Variants in MARK3 observed in about 807,000 individuals in gnomAD.
The protein encoded by MARK3 is MAP/microtubule affinity-regulating kinase 3.
MARK3 carries 46 observed loss-of-function variants against 90.1 expected under a neutral mutation model. The observed-to-expected ratio is 0.51, with a 90% CI of 0.40 to 0.65. The LOEUF is 0.65. Ranked by LOEUF, MARK3 falls within the 30% of genes least tolerant of loss-of-function variation. The probability of loss-of-function intolerance (pLI) is 0.00; values close to 1 mark genes in which losing one functional copy is unlikely to be tolerated. For synonymous variants in MARK3, 321 were observed against 332.6 expected, an observed-to-expected ratio of 0.97 and a Z score of 0.38; for missense variants, 818 against 947.2, an observed-to-expected ratio of 0.86 and a Z score of 1.79.
In MARK3 at chr14:103,454,277, G is replaced by A. The variant is rs566092151; in HGVS notation, c.412+2294G>A. 3.3e-3 allele frequency among the ~76,000 whole-genome samples: 500 copies of A among 151,688 alleles called. 2 individuals are homozygous for A. Among genetic ancestry groups the A allele is most frequent in the Non-Finnish European group, 5.3e-3 (362 of 67,878 alleles). On this transcript the variant is annotated intron_variant, in intron 5 of 17. Transcript: ENST00000429436. ...TTTTTTTTTTTTCTTTTTGGAGACA[G>A]GGTCTCACTCTGTTGCCCAGGCTCA... is the stretch of plus-strand genomic sequence containing the variant.
chr14:103,453,559 T>C (rs1173528013), intron 5 of MARK3, among the ~76,000 whole-genome samples: 1 of 152,234 alleles, frequency 6.6e-6, no homozygotes, highest in African/African-American at 2.4e-5. Context: ...TTTTTTATAC[T>C]CCTAATTCAT....
intron 6 of MARK3, among the ~76,000 whole-genome samples, chr14:103,459,503 T>C (rs981935523): frequency 6.6e-6 from 1 of 152,040 alleles, no homozygotes; most frequent in Admixed American, 6.6e-5. Context: ...GTGGTTTCTT[T>C]GTTTTTTCGT....
chr14:103,401,609 A>G (rs1305584415), intron 1 of MARK3, among the ~76,000 whole-genome samples: 2 of 152,164 alleles, frequency 1.3e-5, no homozygotes, highest in African/African-American at 4.8e-5. Context: ...ACAGGCAACT[A>G]AATGCTTCAG....
chr14:103,459,960 G>A (rs1034864090), intron 6 of MARK3, among the ~76,000 whole-genome samples: 1 of 150,522 alleles, frequency 6.6e-6, no homozygotes, highest in African/African-American at 2.4e-5. Flanking sequence ...CACCAGATGG[G>A]TTTTCCCCTT....
At chr14:103,479,695 C>T (rs1374109561) in intron 13 of MARK3, among the ~76,000 whole-genome samples, 1 of 122,968 alleles carries the variant, frequency 8.1e-6, no homozygotes, top group Non-Finnish European at 1.6e-5. Context: ...TGCAATGGTG[C>T]GATCTCAGCT....
In MARK3 at chr14:103,433,092, TC is replaced by T. The variant is rs200182244; in HGVS notation, c.297+4653del. Among the ~76,000 whole-genome samples, 655 of 78,016 alleles carry T rather than the reference TC, an allele frequency of 8.4e-3. 6 individuals carry two copies. Among genetic ancestry groups the T allele is most frequent in the African/African-American group, 0.017 (534 of 32,032 alleles). 51.2% of individuals were successfully genotyped at this position (78,016 alleles called of 152,430 possible). A position where few individuals can be genotyped will look rare whatever the true frequency, so the allele number is the denominator to read the frequency against. On this transcript the variant is annotated intron_variant, in intron 3 of 17. Transcript: ENST00000429436. ...TTTTTTCTTTTCTTTTCTTTTCTTT[TC>T]TTTTTTTTTTGAGACAGAGTCTTGC...
At chr14:103,497,457 C>T (rs2075411191) in intron 15 of MARK3, among the ~76,000 whole-genome samples, 1 of 152,206 alleles carries the variant, frequency 6.6e-6, no homozygotes, top group Non-Finnish European at 1.5e-5. Context: ...ATAAAAACCT[C>T]ATTCGTAGTT....
intron 1 of MARK3, among the ~76,000 whole-genome samples, chr14:103,397,168 T>G (rs1046387008): frequency 6.6e-6 from 1 of 152,122 alleles, no homozygotes; most frequent in South Asian, 2.1e-4. Flanking sequence ...GATTTTCTCT[T>G]GGGGCAGGAA....
At position 103,468,088 on chromosome 14, in the gene MARK3, C is replaced by T. The variant is rs1195446283; in HGVS notation, c.1166C>T (p.Pro389Leu). 14 of 1,613,696 alleles carry T rather than the reference C, an allele frequency of 8.7e-6. No homozygotes were observed. Among genetic ancestry groups the T allele is most frequent in the Non-Finnish European group, 1.1e-5 (13 of 1,179,898 alleles). Residue 389 changes from proline to leucine, a missense_variant, in exon 12 of 18, where the codon CCG becomes CTG. Physicochemically the swap from Pro to Leu is moderately conservative, Grantham distance 98. Transcript: ENST00000429436. Reference protein sequence around the residue: ...SSNLSLAKVRPSSDLNNSTGQ... With the variant: ...SSNLSLAKVRLSSDLNNSTGQ... The stretch of plus-strand genomic sequence containing the variant: ...AATCTTTCACTTGCTAAGGTTAGGC[C>T]GAGCAGTGATCTCAACAACAGTACT...
At chr14:103,498,433 AG>A in intron 15 of MARK3, 68 bp from the exon 16 acceptor site, 1 of 1,075,610 alleles carries the variant, frequency 9.3e-7, no homozygotes. Context: ...GTAATTGATT[AG>A]ATTTTCTGTT....
At position 103,466,026 on chromosome 14, in the gene MARK3, A is replaced by G; in HGVS notation, c.832A>G (p.Thr278Ala). Residue 278 changes from threonine (T) to alanine (A), a missense_variant, in exon 9 of 18, where the codon ACA becomes GCA. By Grantham distance (58) the Thr-to-Ala change is moderately conservative. Around this residue, in one of 3 missense-constraint regions of MARK3, gnomAD observed 560 missense variants for 613.5 expected, o/e 0.91. Coordinates refer to ENST00000429436, the MANE Select transcript of MARK3 (RefSeq NM_001128918.3). ...GKYRIPFYMS[T>A]DCENLLKRFL... ...ATACAGAATTCCCTTCTACATGTCT[A>G]CAGACTGTGAAAACCTTCTCAAACG... 1 of 1,613,962 alleles carries G rather than the reference A, an allele frequency of 6.2e-7. No individual in the cohort carries two copies. The highest frequency in any genetic ancestry group is 8.5e-7 in the Non-Finnish European group (1 of 1,179,896).
intron 1 of MARK3, among the ~76,000 whole-genome samples, chr14:103,399,705 AAAAAAAAG>A (rs1427396027): frequency 7.8e-6 from 1 of 128,538 alleles, no homozygotes; most frequent in Admixed American, 8.3e-5. Context: ...ATCTCAAAAA[AAAAAAAAG>A]AAAAAAAAAA....
At chr14:103,406,898 A>T (rs993711491) in intron 2 of MARK3, among the ~76,000 whole-genome samples, 1 of 151,906 alleles carries the variant, frequency 6.6e-6, no homozygotes, top group Non-Finnish European at 1.5e-5. Flanking sequence ...CAGTGGTGCA[A>T]TCTCGGCTCA....
At chr14:103,427,873 A>G (rs1233797964) in intron 2 of MARK3, among the ~76,000 whole-genome samples, 2 of 152,118 alleles carry the variant, frequency 1.3e-5, no homozygotes, top group Non-Finnish European at 2.9e-5. Flanking sequence ...ATCCTGTTCT[A>G]TCAGCAGGGT....
chr14:103,503,003 C>T lies in MARK3; in HGVS notation c.2038C>T (p.Arg680Cys), dbSNP rs750729322. Residue 680 changes from arginine (R) to cysteine (C), a missense_variant, in exon 18 of 18, where the codon CGC becomes TGC. Transcript: ENST00000429436. ...TCCCGGGGACATGATGCGGGAAATC[C>T]GCAAAGTGTTGGACGCCAATAACTG... ...MDPGDMMREI[R>C]KVLDANNCDY... is the part of the protein sequence containing the mutation. 2.5e-5 allele frequency: 40 copies of T among 1,614,122 alleles called. No homozygotes were observed. Among genetic ancestry groups the T allele is most frequent in the Middle Eastern group, 1.6e-4 (1 of 6,084 alleles).
intron 17 of MARK3, 63 bp downstream of exon 17, chr14:103,500,263 G>A (rs2075587680): frequency 1.6e-6 from 2 of 1,246,594 alleles, no homozygotes; most frequent in East Asian, 4.9e-5. Flanking sequence ...TGTGGCAGAG[G>A]CGACTATTTT....
At position 103,503,467 on chromosome 14, in the gene MARK3, G is replaced by A. The variant is rs1595986028; in HGVS notation, c.*240G>A. ...TCCGTTACCCTGAGAGTCGGTGTGT[G>A]GCCCCATCTCCATGTGCCTCCCGTC... On this transcript the variant is annotated 3_prime_UTR_variant, in exon 18 of 18. Transcript: ENST00000429436. 5.9e-6 allele frequency: 3 copies of A among 510,380 alleles called. No homozygotes were observed. The highest frequency in any genetic ancestry group is 3.6e-5 in the Admixed American group (1 of 27,808). The allele number at this position is 510,380 out of a possible 1,614,324, so 31.6% of individuals were successfully genotyped here. A position where few individuals can be genotyped will look rare whatever the true frequency, so the allele number is the denominator to read the frequency against.
At chr14:103,396,962 C>G (rs1303918620) in intron 1 of MARK3, among the ~76,000 whole-genome samples, 3 of 151,948 alleles carry the variant, frequency 2.0e-5, no homozygotes, top group Non-Finnish European at 4.4e-5. Flanking sequence ...GACAGTATTT[C>G]AAAAATAGGA....
intron 4 of MARK3, among the ~76,000 whole-genome samples, chr14:103,451,310 G>A (rs2093142093): frequency 6.6e-6 from 1 of 152,066 alleles, no homozygotes; most frequent in Non-Finnish European, 1.5e-5. Context: ...AAAGACTGCT[G>A]TAGGAAAATC....
Sources: allele counts gnomAD v4.1 joint callset (sites outside exome capture counted in the v4.1 genomes callset), GRCh38; gene constraint gnomAD v4.1.1; regional missense constraint gnomAD v4.1.1; transcripts MANE v1.5; gene names NCBI Gene and HGNC (gene_info 2026-07-23, HGNC 2026-07-21).